The following MEPCE variants were observed in gnomAD, a reference collection of about 807,000 sequenced individuals.
The protein encoded by MEPCE is 7SK snRNA methylphosphate capping enzyme.
In MEPCE, 9 loss-of-function variants were observed where a neutral mutation model predicts 52.3. That is an observed-to-expected ratio of 0.17 (90% CI 0.10 to 0.30). The LOEUF is 0.30. Ranked by LOEUF, MEPCE falls within the 10% of genes least tolerant of loss-of-function variation. The pLI is 1.00. For missense variants in MEPCE, 826 were observed against 933.0 expected (o/e 0.89, Z 1.49); for synonymous variants, 477 against 401.6 (o/e 1.19, Z -2.25).
At chr7:100,432,542 C>G (rs1798748979) in intron 1 of MEPCE, among the ~76,000 whole-genome samples, 2 of 152,210 alleles carry the variant, frequency 1.3e-5, no homozygotes, top group Admixed American at 1.3e-4. Context: ...CACAGGTCTG[C>G]CTTTGAAACC....
rs2130999033 is a variant in MEPCE, at chr7:100,430,249, C to T, written c.231C>T (p.Ser77=). The change falls in exon 1 of 4, where the codon TCC becomes TCT. Residue 77 remains serine (S), a synonymous_variant. Transcript: ENST00000310512. ...GCCCCGGGGCCGCGGCCACCTCCTC[C>T]AGTGGTCCCCAGGCGCAGCAGCACC... ...RESPGAAATS[S]SGPQAQQHRG... 1 of 1,362,004 alleles carries T rather than the reference C, an allele frequency of 7.3e-7. No individual in the cohort carries two copies. The highest frequency in any genetic ancestry group is 1.8e-5 in the South Asian group (1 of 54,536). 84.4% of individuals were successfully genotyped at this position (1,362,004 alleles called of 1,614,324 possible). A position where few individuals can be genotyped will look rare whatever the true frequency, so the allele number is the denominator to read the frequency against.
In MEPCE at chr7:100,430,966, T is replaced by C; in HGVS notation, c.948T>C (p.Tyr316=). 1 of 1,610,540 alleles carries C rather than the reference T, an allele frequency of 6.2e-7. No individual in the cohort carries two copies. The highest frequency in any genetic ancestry group is 1.7e-4 in the Middle Eastern group (1 of 6,046). ...AGAACCGGGATGCCCCCCAACCCTA[T>C]GAACTCAACACAGCCATCAACTGCA... ...RGQNRDAPQP[Y]ELNTAINCRD... is the part of the protein sequence containing the mutation. The change falls in exon 1 of 4, where the codon TAT becomes TAC. Residue 316 remains tyrosine, a synonymous_variant. Transcript: ENST00000310512.
Position 100,433,698 on chromosome 7 carries a change from G to A in MEPCE, c.*144G>A, listed in dbSNP as rs1357416638. 2.4e-5 allele frequency: 20 copies of A among 847,478 alleles called. No homozygotes were observed. Among genetic ancestry groups the A allele is most frequent in the Admixed American group, 5.2e-5 (2 of 38,598 alleles). The allele number at this position is 847,478 out of a possible 1,614,324, so 52.5% of individuals were successfully genotyped here. On this transcript the variant is annotated 3_prime_UTR_variant, in exon 4 of 4. Transcript: ENST00000310512. The stretch of plus-strand genomic sequence containing the variant: ...GATCTGCAAAGAAAGCTTTTCTTCC[G>A]TCGCTGCCTCAGCCTCCTCCCTATG...
chr7:100,430,314 G>A lies in MEPCE; in HGVS notation c.296G>A (p.Arg99His). The A allele has an allele frequency of 2.1e-6, 3 of 1,418,396 alleles. No homozygotes were observed. Among genetic ancestry groups the A allele is most frequent in the Non-Finnish European group, 2.8e-6 (3 of 1,089,814 alleles). The allele number at this position is 1,418,396 out of a possible 1,614,324, so 87.9% of individuals were successfully genotyped here. ...GPQAQSHGEA[R>H]LSDPPGRAAP... is the part of the protein sequence containing the mutation. ...CAGGCGCAGTCGCATGGGGAGGCCC[G>A]CCTGTCGGATCCCCCGGGGCGAGCC... is the stretch of plus-strand genomic sequence containing the variant. Residue 99 changes from arginine (R) to histidine (H), a missense_variant, in exon 1 of 4, where the codon CGC (arginine) becomes CAC (histidine). Transcript: ENST00000310512.
rs1798793706 is a variant in MEPCE, at chr7:100,433,775, C to A, written c.*221C>A. On this transcript the variant is annotated 3_prime_UTR_variant, in exon 4 of 4. Coordinates refer to ENST00000310512, the MANE Select transcript of MEPCE (RefSeq NM_019606.6). ...GCTGTGCTGGAGTCACCATCATCTT[C>A]CTCTCCCCCAGCCTCCCAGGCTGGA... 1 of 585,978 alleles carries A rather than the reference C, an allele frequency of 1.7e-6. No individual in the cohort carries two copies. Among genetic ancestry groups the A allele is most frequent in the African/African-American group, 1.9e-5 (1 of 53,736 alleles). 36.3% of individuals were successfully genotyped at this position (585,978 alleles called of 1,614,324 possible). A position where few individuals can be genotyped will look rare whatever the true frequency, so the allele number is the denominator to read the frequency against.
chr7:100,432,002 C>T (rs780589719), intron 1 of MEPCE, among the ~76,000 whole-genome samples: 4 of 152,180 alleles, frequency 2.6e-5, no homozygotes, highest in African/African-American at 7.2e-5. Context: ...GGCTGCTGCT[C>T]ACTAGGGAAT....
rs201655337 is a variant in MEPCE, at chr7:100,433,113, G to C, written c.1866G>C (p.Ser622=). The part of the protein sequence containing the change: ...ILVLEPQPWS[S]YGKRKTLTET... ...TCCTAGAGCCCCAACCCTGGTCGTC[G>C]TATGGCAAGAGAAAGACTCTTACAG... Residue 622 remains serine (S), a synonymous_variant, in exon 2 of 4, where the codon TCG becomes TCC. Transcript: ENST00000310512. 6.6e-5 allele frequency: 106 copies of C among 1,613,870 alleles called. No homozygotes were observed. Among genetic ancestry groups the C allele is most frequent in the African/African-American group, 5.3e-5 (4 of 74,944 alleles).
chr7:100,429,182 C>G (rs192112092), upstream of MEPCE: 1 of 152,136 alleles, frequency 6.6e-6, no homozygotes. Context: ...ACCAACAGCT[C>G]ATGAATAATT....
At position 100,433,283 on chromosome 7, in the gene MEPCE, C is replaced by T; in HGVS notation, c.1911C>T (p.Tyr637=). The part of the protein sequence containing the change: ...KTLTETIYKN[Y]YRIQLKPEQF... Reference sequence around the variant, plus strand: ...CTTAGGAAACGATCTACAAGAACTACTACCGAATCCAATTGAAGCCAGAGC... The same window carrying T: ...CTTAGGAAACGATCTACAAGAACTATTACCGAATCCAATTGAAGCCAGAGC... Residue 637 remains tyrosine, a synonymous_variant, in exon 3 of 4, where the codon TAC becomes TAT. Coordinates refer to ENST00000310512, the MANE Select transcript of MEPCE (RefSeq NM_019606.6). 6.2e-7 allele frequency: 1 copy of T among 1,614,200 alleles called. No homozygotes were observed. Among genetic ancestry groups the T allele is most frequent in the Non-Finnish European group, 8.5e-7 (1 of 1,180,038 alleles).
At position 100,431,800 on chromosome 7, in the gene MEPCE, G is replaced by GTTGC. The variant is rs1798717835; in HGVS notation, c.1671+111_1671+112insTTGC. ...GATCCTCAAAAGAGGGGTCTGGGTTGGCAAGTGAGAGCCTCTGCTGGGCGT... is the reference window on the plus strand; with the variant it reads ...GATCCTCAAAAGAGGGGTCTGGGTTGTTGCGCAAGTGAGAGCCTCTGCTGGGCGT... On this transcript the variant is annotated intron_variant, in intron 1 of 3. Coordinates refer to ENST00000310512, the MANE Select transcript of MEPCE (RefSeq NM_019606.6). 7.4e-6 allele frequency: 8 copies of GTTGC among 1,080,690 alleles called. No individual in the cohort carries two copies. In the South Asian group the frequency reaches 1.2e-4, roughly 16 times the overall value. The allele number at this position is 1,080,690 out of a possible 1,614,324, so 66.9% of individuals were successfully genotyped here.
chr7:100,430,448 G>C lies in MEPCE; in HGVS notation c.430G>C (p.Gly144Arg). 1 of 1,556,896 alleles carries C rather than the reference G, an allele frequency of 6.4e-7. No individual in the cohort carries two copies. Among genetic ancestry groups the C allele is most frequent in the Middle Eastern group, 1.7e-4 (1 of 5,832 alleles). ...NGYQPHRPPGGGGGKRRNSCN... is the reference protein window; with the variant it reads ...NGYQPHRPPGRGGGKRRNSCN... The stretch of plus-strand genomic sequence containing the variant: ...CTATCAGCCCCACCGGCCACCTGGG[G>C]GGGGCGGGGGCAAGAGGAGAAATAG... The change falls in exon 1 of 4, where the codon GGG (glycine) becomes CGG (arginine). Residue 144 changes from glycine to arginine, a missense_variant. By Grantham distance (125) the Gly-to-Arg change is moderately radical. Around this residue, in one of 7 missense-constraint regions of MEPCE, gnomAD observed 314 missense variants for 277.7 expected, o/e 1.13. Transcript: ENST00000310512.
At position 100,430,362 on chromosome 7, in the gene MEPCE, A is replaced by G; in HGVS notation, c.344A>G (p.Glu115Gly). The change falls in exon 1 of 4, where the codon GAG (glutamate) becomes GGG (glycine). Residue 115 changes from glutamate to glycine, a missense_variant. Physicochemically the swap from Glu to Gly is moderately conservative, Grantham distance 98 (BLOSUM62 -2). Coordinates refer to ENST00000310512, the MANE Select transcript of MEPCE (RefSeq NM_019606.6). ...GRAAPPDVGE[E>G]RRGGGGTELG... ...GCCGCTCCCCCGGACGTGGGGGAGG[A>G]GCGCCGGGGAGGGGGCGGGACAGAG... 7.0e-7 allele frequency: 1 copy of G among 1,434,066 alleles called. No homozygotes were observed. Among genetic ancestry groups the G allele is most frequent in the Non-Finnish European group, 9.1e-7 (1 of 1,095,946 alleles). The allele number at this position is 1,434,066 out of a possible 1,614,324, so 88.8% of individuals were successfully genotyped here. A position where few individuals can be genotyped will look rare whatever the true frequency, so the allele number is the denominator to read the frequency against.
At chr7:100,431,882 G>A (rs766884591) in intron 1 of MEPCE, among the ~76,000 whole-genome samples, 193 bp downstream of exon 1, 1 of 152,184 alleles carries the variant, frequency 6.6e-6, no homozygotes. Context: ...ATTGACCCTG[G>A]AGTCCTTTGT....
intron 1 of MEPCE, 37 bp downstream of exon 1, chr7:100,431,726 G>A (rs747377588): frequency 1.3e-6 from 2 of 1,503,692 alleles, no homozygotes; most frequent in Admixed American, 2.0e-5. Context: ...TAGGGGCCAG[G>A]TGTGAAGATG....
chr7:100,429,292 C>T (rs1389466322), upstream of MEPCE: 1 of 152,268 alleles, frequency 6.6e-6, no homozygotes, highest in Non-Finnish European at 1.5e-5. Flanking sequence ...AGGCCCAACC[C>T]CTAAGACGGG....
Position 100,430,093 on chromosome 7 carries a change from C to T in MEPCE, c.75C>T (p.Gly25=). ...CGCCGCCGCTCAAAGATGAGTCGGG[C>T]GGAGGGGGCGGCCCCACGGTGCCAC... ...APPPPLKDES[G]GGGGPTVPPH... The change falls in exon 1 of 4, where the codon GGC becomes GGT. Residue 25 remains glycine (G), a synonymous_variant. Transcript: ENST00000310512. 1 of 1,263,740 alleles carries T rather than the reference C, an allele frequency of 7.9e-7. No homozygotes were observed. The highest frequency in any genetic ancestry group is 2.9e-5 in the South Asian group (1 of 34,186). 78.3% of individuals were successfully genotyped at this position (1,263,740 alleles called of 1,614,324 possible).
chr7:100,431,284 T>C lies in MEPCE; in HGVS notation c.1266T>C (p.Tyr422=), dbSNP rs781344761. Residue 422 remains tyrosine (Y), a synonymous_variant, in exon 1 of 4, where the codon TAT becomes TAC. Coordinates refer to ENST00000310512, the MANE Select transcript of MEPCE (RefSeq NM_019606.6). ...AGTATGGGAATTATTGCAAATACTATGGGTACCGCAATCCTTCCTGTGAGG... is the reference window on the plus strand; with the variant it reads ...AGTATGGGAATTATTGCAAATACTACGGGTACCGCAATCCTTCCTGTGAGG... ...KFQYGNYCKY[Y]GYRNPSCEDG... is the part of the protein sequence containing the mutation. 11 of 1,614,132 alleles carry C rather than the reference T, an allele frequency of 6.8e-6. No individual in the cohort carries two copies. The highest frequency in any genetic ancestry group is 9.3e-6 in the Non-Finnish European group (11 of 1,180,036).
rs371718870 is a variant in MEPCE, at chr7:100,432,932, T to C, written c.1685T>C (p.Leu562Pro). The change falls in exon 2 of 4, where the codon CTG (leucine) becomes CCG (proline). Residue 562 changes from leucine (L) to proline (P), a missense_variant. Leu to Pro is a moderately conservative substitution (Grantham distance 98). This residue lies in a region of MEPCE where 107 missense variants were observed against 157.9 expected (regional missense o/e 0.68). Transcript: ENST00000310512. ...NVVFVTGNYV[L>P]DRDDLVEAQT... ...TCTTGCCCTCAGGGTAATTATGTGC[T>C]GGATCGAGATGACCTGGTGGAGGCC... 627 of 1,614,004 alleles carry C rather than the reference T, an allele frequency of 3.9e-4. 12 individuals are homozygous for C. The South Asian group carries it at 6.3e-3, about 16-fold the overall frequency.
Position 100,433,266 on chromosome 7 carries a change from A to G in MEPCE, c.1894A>G (p.Thr632Ala), listed in dbSNP as rs2131008690. Residue 632 changes from threonine (T) to alanine (A), a missense_variant, in exon 3 of 4, where the codon ACG (threonine) becomes GCG (alanine). Coordinates refer to ENST00000310512, the MANE Select transcript of MEPCE (RefSeq NM_019606.6). ...GGTCCCTTGCCTCTCTCCTTAGGAA[A>G]CGATCTACAAGAACTACTACCGAAT... is the stretch of plus-strand genomic sequence containing the variant. ...SYGKRKTLTE[T>A]IYKNYYRIQL... is the part of the protein sequence containing the mutation. The G allele has an allele frequency of 6.2e-7, 1 of 1,614,134 alleles. No homozygotes were observed. Among genetic ancestry groups the G allele is most frequent in the Non-Finnish European group, 8.5e-7 (1 of 1,180,028 alleles).
Sources: allele counts gnomAD v4.1 joint callset (sites outside exome capture counted in the v4.1 genomes callset), GRCh38; gene constraint gnomAD v4.1.1; regional missense constraint gnomAD v4.1.1; transcripts MANE v1.5; gene names NCBI Gene and HGNC (gene_info 2026-07-23, HGNC 2026-07-21).